USO1: variants seen among roughly 807,000 people sequenced by gnomAD.
The protein encoded by USO1 is USO1 vesicle transport factor.
USO1 carries 57 observed loss-of-function variants against 124.5 expected under a neutral mutation model. The ratio of observed to expected loss-of-function variants is 0.46; its 90% CI spans 0.37 to 0.57. The LOEUF is 0.57. Among genes scored for constraint, USO1 ranks in the 20% least tolerant of loss-of-function variants. The pLI is 0.00. For synonymous variants in USO1, 369 were observed against 362.8 expected (o/e 1.02, Z -0.19); for missense variants, 900 against 1,040.6 (o/e 0.86, Z 1.86).
At chr4:75,778,918 C>T (rs1008959039) in intron 8 of USO1, among the ~76,000 whole-genome samples, 2 of 152,070 alleles carry the variant, frequency 1.3e-5, no homozygotes, top group African/African-American at 4.8e-5. Flanking sequence ...TGTTTTTTAC[C>T]AGCTGAAGGC....
At chr4:75,744,029 G>A (rs879456421) in intron 1 of USO1, among the ~76,000 whole-genome samples, 9 of 152,134 alleles carry the variant, frequency 5.9e-5, no homozygotes, top group Non-Finnish European at 1.0e-4. Context: ...GCCCGCCATG[G>A]CCTCCCAAAG....
rs1480876878 is a variant in USO1 at position 75,793,199 on chromosome 4, T to G, written c.1241-491T>G. ...ATACTCAACCTATGTTTCTTTTCTCTCTCTCCTTTTTTTTTTTTTTTTTTT... is the reference window on the plus strand; with the variant it reads ...ATACTCAACCTATGTTTCTTTTCTCGCTCTCCTTTTTTTTTTTTTTTTTTT... On this transcript the variant is annotated intron_variant, in intron 12 of 23. Coordinates refer to ENST00000514213, the MANE Select transcript of USO1 (RefSeq NM_003715.4). 2.2e-5 allele frequency among the ~76,000 whole-genome samples: 3 copies of G among 138,182 alleles called. No individual in the cohort carries two copies. The East Asian group carries it at 7.1e-4, about 33-fold the overall frequency. 90.7% of individuals were successfully genotyped at this position (138,182 alleles called of 152,430 possible). A position where few individuals can be genotyped will look rare whatever the true frequency, so the allele number is the denominator to read the frequency against.
chr4:75,793,028 A>G (rs927210229), intron 12 of USO1, among the ~76,000 whole-genome samples: 2 of 152,058 alleles, frequency 1.3e-5, no homozygotes, highest in African/African-American at 4.8e-5. Flanking sequence ...GGCTTATTTC[A>G]CTTAATATAA....
At chr4:75,808,739 A>T (rs1450942975) in intron 20 of USO1, among the ~76,000 whole-genome samples, 40 of 141,596 alleles carry the variant, frequency 2.8e-4, no homozygotes, top group East Asian at 6.1e-4. Flanking sequence ...GTCTTTTATG[A>T]TTTTTTTTTT....
intron 1 of USO1, among the ~76,000 whole-genome samples, chr4:75,726,257 G>A (rs1455316406): frequency 7.0e-6 from 1 of 143,610 alleles, no homozygotes; most frequent in East Asian, 2.0e-4. Context: ...CTCTAGCCTG[G>A]GCAACAAGAG....
intron 4 of USO1, chr4:75,760,525 C>A: frequency 2.5e-6 from 1 of 394,012 alleles, no homozygotes; most frequent in Admixed American, 4.4e-5. Flanking sequence ...TACGTGTATA[C>A]TACTACATTA....
At chr4:75,810,709 TTTTTTTTGTTTTGGG>T (rs528564259) in intron 22 of USO1, among the ~76,000 whole-genome samples, 170 bp downstream of exon 22, 6 of 152,090 alleles carry the variant, frequency 3.9e-5, no homozygotes, top group African/African-American at 4.8e-5. Flanking sequence ...CAAATGAAAA[TTTTTTTTGTTTTGGG>T]TTTTTTTGTT....
chr4:75,772,810 C>T (rs927535598), intron 7 of USO1, among the ~76,000 whole-genome samples: 10 of 152,112 alleles, frequency 6.6e-5, no homozygotes, highest in Non-Finnish European at 1.2e-4. Flanking sequence ...AAAATAACTG[C>T]ATTAGGCCAG....
chr4:75,805,396 A>G (rs751689958), intron 19 of USO1, 93 bp downstream of exon 19: 2 of 1,430,578 alleles, frequency 1.4e-6, no homozygotes, highest in Non-Finnish European at 1.8e-6. Flanking sequence ...CTTAAGCCAG[A>G]ATATCATATG....
Position 75,790,805 on chromosome 4 carries a change from A to G in USO1, c.1240+8A>G. 6.4e-7 allele frequency: 1 copy of G among 1,559,986 alleles called. No individual in the cohort carries two copies. Among genetic ancestry groups the G allele is most frequent in the Non-Finnish European group, 8.6e-7 (1 of 1,156,938 alleles). ...TACCTTCTACCATTGATGGTAAATA[A>G]TTTAGTTCTAATTTTTATTTGAAAA... is the stretch of plus-strand genomic sequence containing the variant. On this transcript the variant is annotated splice_region_variant and intron_variant, in intron 12 of 23. Coordinates refer to ENST00000514213, the MANE Select transcript of USO1 (RefSeq NM_003715.4).
chr4:75,767,515 C>A (rs770887165), intron 4 of USO1: 46 of 408,534 alleles, frequency 1.1e-4, no homozygotes, highest in Middle Eastern at 8.3e-4. Context: ...GAGGCCAAGG[C>A]AGGCGGATCA....
At chr4:75,758,077 C>G (rs1721496055) in intron 4 of USO1, among the ~76,000 whole-genome samples, 1 of 151,918 alleles carries the variant, frequency 6.6e-6, no homozygotes, top group Non-Finnish European at 1.5e-5. Flanking sequence ...GGTTTGAAAT[C>G]CACACATTTC....
chr4:75,772,113 C>G (rs1721949128), intron 7 of USO1, among the ~76,000 whole-genome samples: 1 of 152,174 alleles, frequency 6.6e-6, no homozygotes, highest in Admixed American at 6.5e-5. Context: ...AGAGACAAAA[C>G]TGAAGCATTC....
chr4:75,737,153 A>G (rs4262008), intron 1 of USO1, among the ~76,000 whole-genome samples: 53,653 of 152,128 alleles, frequency 0.35, 11,656 homozygotes, highest in African/African-American at 0.62. Context: ...GCTGAATGCT[A>G]TCTCACTACT....
intron 8 of USO1, among the ~76,000 whole-genome samples, chr4:75,777,525 G>C (rs975507654): frequency 1.3e-5 from 2 of 152,098 alleles, no homozygotes; most frequent in African/African-American, 4.8e-5. Context: ...TTTAAAGATA[G>C]ACAAATGATC....
intron 1 of USO1, among the ~76,000 whole-genome samples, chr4:75,730,324 C>T (rs754424453): frequency 5.3e-5 from 8 of 152,072 alleles, no homozygotes; most frequent in Admixed American, 2.6e-4. Flanking sequence ...GTGTGTGCAA[C>T]GACCACTAAC....
chr4:75,729,362 C>T (rs772380802), intron 1 of USO1, among the ~76,000 whole-genome samples: 15 of 151,774 alleles, frequency 9.9e-5, no homozygotes, highest in Admixed American at 4.6e-4. Flanking sequence ...GGGTGGGGTA[C>T]GAAGTCTCGC....
chr4:75,808,433 G>A (rs1453876968), intron 20 of USO1, among the ~76,000 whole-genome samples: 1 of 151,994 alleles, frequency 6.6e-6, no homozygotes, highest in African/African-American at 2.4e-5. Context: ...CTTTTAACCA[G>A]GCCTGCAGTT....
chr4:75,790,875 A>G, intron 12 of USO1, 78 bp downstream of exon 12: 2 of 1,409,806 alleles, frequency 1.4e-6, no homozygotes, highest in Non-Finnish European at 9.3e-7. Context: ...CTTTCTTTTT[A>G]TGCTTTAGCC....
Sources: allele counts gnomAD v4.1 joint callset (sites outside exome capture counted in the v4.1 genomes callset), GRCh38; gene constraint gnomAD v4.1.1; transcripts MANE v1.5; gene names NCBI Gene and HGNC (gene_info 2026-07-23, HGNC 2026-07-21).